Variants in ARRDC3 observed in about 807,000 individuals in gnomAD.
The protein encoded by ARRDC3 is arrestin domain containing 3.
In ARRDC3, 10 loss-of-function variants were observed where a neutral mutation model predicts 47.2. The ratio of observed to expected loss-of-function variants is 0.21; its 90% CI spans 0.13 to 0.36. The LOEUF is 0.36. ARRDC3 is among the 10% of genes least tolerant of loss of function. ARRDC3 has a pLI of 1.00. For synonymous variants in ARRDC3, 156 were observed against 178.3 expected (o/e 0.87, Z 1.00); for missense variants, 381 against 503.6 (o/e 0.76, Z 2.33).
rs760138850 is a variant in ARRDC3 at position 91,374,101 on chromosome 5, ATT to A, written c.1033+11_1033+12del. 380 of 1,609,652 alleles carry A rather than the reference ATT, an allele frequency of 2.4e-4. 1 individual carries two copies. Among genetic ancestry groups the A allele is most frequent in the Non-Finnish European group, 1.8e-4 (217 of 1,178,176 alleles). ...AGTAAGAGATTAAGCTTAGACGTGT[ATT>A]ATCAAATTACCTTCAGGTCTTTCAG... is the stretch of plus-strand genomic sequence containing the variant. On this transcript the variant is annotated intron_variant, in intron 6 of 7. Coordinates refer to ENST00000265138, the MANE Select transcript of ARRDC3 (RefSeq NM_020801.4).
At position 91,382,889 on chromosome 5, in the gene ARRDC3, A is replaced by G. The variant is rs774745735; in HGVS notation, c.204T>C (p.Asn68=). The change falls in exon 1 of 8, where the codon AAT becomes AAC. Residue 68 remains asparagine (N), a synonymous_variant. Transcript: ENST00000265138. ...CAGTGTAATTCTGTGTATAGGCAGTATTGGAGCCGGCGTTTCTAGATTCAG... is the reference window on the plus strand; with the variant it reads ...CAGTGTAATTCTGTGTATAGGCAGTGTTGGAGCCGGCGTTTCTAGATTCAG... ...RWTESRNAGS[N]TAYTQNYTEE... The G allele has an allele frequency of 6.2e-7, 1 of 1,614,126 alleles. No individual in the cohort carries two copies. Among genetic ancestry groups the G allele is most frequent in the Admixed American group, 1.7e-5 (1 of 60,014 alleles).
At chr5:91,374,887 A>C (rs1799262693) in intron 5 of ARRDC3, 35 bp downstream of exon 5, 1 of 1,599,718 alleles carries the variant, frequency 6.3e-7, no homozygotes, top group South Asian at 1.1e-5. Context: ...AAAAAAGAAA[A>C]AAGAAAGGAA....
At chr5:91,380,314 CG>C in intron 1 of ARRDC3, 1 of 152,948 alleles carries the variant, frequency 6.5e-6, no homozygotes. Flanking sequence ...GCCTGCTGGC[CG>C]GGGGGCGGGG....
At position 91,383,132 on chromosome 5, in the gene ARRDC3, AAAGTC is replaced by A; in HGVS notation, c.-45_-41del. On this transcript the variant is annotated 5_prime_UTR_variant, in exon 1 of 8. An upstream open reading frame in the 5' UTR loses its in-frame stop. Transcript: ENST00000265138. ...CTATAAAAATATAATGTAAGACAAA[AAAGTC>A]AAGATCGCATATAAAATGTGATCTT... The A allele has an allele frequency of 6.5e-7, 1 of 1,527,724 alleles. No homozygotes were observed. Among genetic ancestry groups the A allele is most frequent in the Non-Finnish European group, 8.8e-7 (1 of 1,135,938 alleles). 94.6% of individuals were successfully genotyped at this position (1,527,724 alleles called of 1,614,324 possible). A position where few individuals can be genotyped will look rare whatever the true frequency, so the allele number is the denominator to read the frequency against.
rs775418010 is a variant in ARRDC3 at position 91,370,730 on chromosome 5, T to C, written c.*670A>G. On this transcript the variant is annotated 3_prime_UTR_variant, in exon 8 of 8. Coordinates refer to ENST00000265138, the MANE Select transcript of ARRDC3 (RefSeq NM_020801.4). The stretch of plus-strand genomic sequence containing the variant: ...CCCACATTATCTGTTGCGTATCTAC[T>C]ACAGTAGGCTGCAAAACATACAGCA... The C allele has an allele frequency of 1.2e-4, 18 of 152,532 alleles. No individual in the cohort carries two copies. Among genetic ancestry groups the C allele is most frequent in the Non-Finnish European group, 2.6e-4 (18 of 68,040 alleles). The allele number at this position is 152,532 out of a possible 1,614,324, so 9.4% of individuals were successfully genotyped here.
intron 1 of ARRDC3, 61 bp from the exon 2 acceptor site, chr5:91,378,836 G>C (rs1799369109): frequency 9.0e-7 from 1 of 1,110,522 alleles, no homozygotes; most frequent in African/African-American, 1.6e-5. Flanking sequence ...TACTCCGCAG[G>C]GTGGCATAAC....
intron 1 of ARRDC3, chr5:91,380,906 C>T (rs1799440629): frequency 6.6e-6 from 1 of 152,404 alleles, no homozygotes; most frequent in East Asian, 1.9e-4. Flanking sequence ...TGGGCGCCCC[C>T]AGAAGCCCGG....
chr5:91,382,756 A>C (rs1464001423), intron 1 of ARRDC3, 57 bp downstream of exon 1: 12 of 1,524,562 alleles, frequency 7.9e-6, no homozygotes, highest in Non-Finnish European at 2.7e-6. Flanking sequence ...CAGAAAACTG[A>C]AAAGGTACGT....
intron 2 of ARRDC3, 57 bp from the exon 3 acceptor site, chr5:91,376,825 C>G (rs932790552): frequency 8.1e-6 from 12 of 1,480,888 alleles, no homozygotes; most frequent in Admixed American, 2.0e-5. Flanking sequence ...AACAATTACA[C>G]AGTAGGTCAG....
chr5:91,380,079 T>A (rs1799409311), intron 1 of ARRDC3: 1 of 152,274 alleles, frequency 6.6e-6, no homozygotes, highest in Non-Finnish European at 1.5e-5. Context: ...TTGTGCCAGC[T>A]CAGCAGTCTC....
chr5:91,379,790 C>T (rs1799398990), intron 1 of ARRDC3: 1 of 152,040 alleles, frequency 6.6e-6, no homozygotes, highest in Non-Finnish European at 1.5e-5. Context: ...TTTAACTTTC[C>T]TTCAGCAAAG....
chr5:91,371,515 T>C (rs1799178680), intron 7 of ARRDC3, 59 bp from the exon 8 acceptor site: 2 of 1,340,436 alleles, frequency 1.5e-6, no homozygotes, highest in African/African-American at 2.9e-5. Flanking sequence ...AGGAAGAATG[T>C]AGCAAATGAC....
chr5:91,370,483 T>TAAAC lies in ARRDC3; in HGVS notation c.*913_*916dup, dbSNP rs545475237. On this transcript the variant is annotated 3_prime_UTR_variant, in exon 8 of 8. Coordinates refer to ENST00000265138, the MANE Select transcript of ARRDC3 (RefSeq NM_020801.4). ...TTCCCTCTCCAAAAAGCCAACCAAA[T>TAAAC]AAACAAACAAACAAACGAAAAAAAC... is the stretch of plus-strand genomic sequence containing the variant. 2.6e-5 allele frequency: 4 copies of TAAAC among 152,284 alleles called. No individual in the cohort carries two copies. Among genetic ancestry groups the TAAAC allele is most frequent in the East Asian group, 3.9e-4 (2 of 5,162 alleles). The allele number at this position is 152,284 out of a possible 1,614,324, so 9.4% of individuals were successfully genotyped here.
chr5:91,373,942 T>C (rs1045180032), intron 6 of ARRDC3, 104 bp from the exon 7 acceptor site: 12 of 1,509,576 alleles, frequency 7.9e-6, no homozygotes, highest in Non-Finnish European at 1.1e-5. Context: ...AAATAATTAT[T>C]GTTTGGTGAT....
intron 1 of ARRDC3, among the ~76,000 whole-genome samples, chr5:91,381,868 C>G (rs898196247): frequency 6.6e-6 from 1 of 152,160 alleles, no homozygotes. Context: ...TCACCACCCC[C>G]CAGAACTGGT....
chr5:91,371,444 G>C lies in ARRDC3; in HGVS notation c.1201C>G (p.Pro401Ala), dbSNP rs765625079. 3.7e-6 allele frequency: 6 copies of C among 1,613,152 alleles called. No individual in the cohort carries two copies. In the East Asian group the frequency reaches 1.3e-4, roughly 36 times the overall value. ...PPLYSEIDPN[P>A]DQSADDRPSC... ...GGTCTATCATCTGCTGACTGATCAG[G>C]ATTTGGATCAATCTAGAAAGAAATG... The change falls in exon 8 of 8, where the codon CCT (proline) becomes GCT (alanine). Residue 401 changes from proline (P) to alanine (A), a missense_variant. Pro to Ala is a conservative substitution (Grantham distance 27). Transcript: ENST00000265138.
intron 6 of ARRDC3, 99 bp downstream of exon 6, chr5:91,374,015 A>C: frequency 6.8e-7 from 1 of 1,460,588 alleles, no homozygotes; most frequent in Non-Finnish European, 9.3e-7. Flanking sequence ...TCTTTAGGAA[A>C]AGATTATGTT....
rs764621854 is a variant in ARRDC3 at position 91,371,478 on chromosome 5, AG to A, written c.1189-23del. 1.9e-5 allele frequency: 30 copies of A among 1,589,924 alleles called. No individual in the cohort carries two copies. In the African/African-American group the frequency reaches 3.0e-4, roughly 16 times the overall value. On this transcript the variant is annotated intron_variant, in intron 7 of 7. Coordinates refer to ENST00000265138, the MANE Select transcript of ARRDC3 (RefSeq NM_020801.4). The stretch of plus-strand genomic sequence containing the variant: ...CAATCTAGAAAGAAATGAGAAAAAA[AG>A]TTTACAGAGTTATTTCATGAGGTCT...
chr5:91,371,357 A>G lies in ARRDC3; in HGVS notation c.*43T>C. The G allele has an allele frequency of 6.5e-7, 1 of 1,534,864 alleles. No homozygotes were observed. The highest frequency in any genetic ancestry group is 9.0e-7 in the Non-Finnish European group (1 of 1,110,266). On this transcript the variant is annotated 3_prime_UTR_variant, in exon 8 of 8. Coordinates refer to ENST00000265138, the MANE Select transcript of ARRDC3 (RefSeq NM_020801.4). ...TTCTCTGTCCTCAGCCGGAAGAGAT[A>G]CAGTTCGGAACCCACATCAACTTGA...
Sources: gnomAD v4.1 joint callset for allele counts (sites outside exome capture counted in the v4.1 genomes callset) on GRCh38, gnomAD v4.1.1 for gene constraint, MANE v1.5 for transcripts, NCBI Gene and HGNC (gene_info 2026-07-23, HGNC 2026-07-21) for gene names.